The following TENT4B variants were observed in gnomAD, a reference collection of about 807,000 sequenced individuals.
The protein encoded by TENT4B is terminal nucleotidyltransferase 4B, also known as PAP associated domain containing 5.
TENT4B carries 10 observed loss-of-function variants against 75.0 expected under a neutral mutation model. That is an observed-to-expected ratio of 0.13 (90% CI 0.08 to 0.23). The LOEUF is 0.23. Ranked by LOEUF, TENT4B falls within the 10% of genes least tolerant of loss-of-function variation. TENT4B has a pLI of 1.00. For synonymous variants in TENT4B, 350 were observed against 357.7 expected, an observed-to-expected ratio of 0.98 and a Z score of 0.24; for missense variants, 579 against 893.8, an observed-to-expected ratio of 0.65 and a Z score of 4.49.
chr16:50,198,313 G>A (rs920673446), intron 1 of TENT4B, among the ~76,000 whole-genome samples: 2 of 151,442 alleles, frequency 1.3e-5, no homozygotes, highest in Admixed American at 6.6e-5. Context: ...CAGCTACTTT[G>A]GAGGCTGAGG....
intron 1 of TENT4B, among the ~76,000 whole-genome samples, chr16:50,166,699 C>G (rs1201229413): frequency 6.6e-6 from 1 of 152,028 alleles, no homozygotes; most frequent in African/African-American, 2.4e-5. Flanking sequence ...CCTCTGCCCC[C>G]ACCCCAGGCT....
intron 1 of TENT4B, among the ~76,000 whole-genome samples, chr16:50,155,272 GGTGTGTGTGTGT>G (rs60683678): frequency 2.4e-4 from 32 of 135,482 alleles, no homozygotes; most frequent in Admixed American, 9.1e-4. Context: ...GGGTCTCGTG[GGTGTGTGTGTGT>G]GTGTGTGTGT....
At chr16:50,171,770 G>C (rs1212497511) in intron 1 of TENT4B, among the ~76,000 whole-genome samples, 1 of 150,922 alleles carries the variant, frequency 6.6e-6, no homozygotes, top group Non-Finnish European at 1.5e-5. Flanking sequence ...TTTGAGACCA[G>C]CCTGGCCAAT....
chr16:50,161,431 TAGTATTTGGTAATTA>T (rs1246584147), intron 1 of TENT4B, among the ~76,000 whole-genome samples: 1 of 152,182 alleles, frequency 6.6e-6, no homozygotes, highest in African/African-American at 2.4e-5. Context: ...AGATTTCACA[TAGTATTTGGTAATTA>T]AATTAAGGAA....
intron 1 of TENT4B, among the ~76,000 whole-genome samples, chr16:50,196,537 A>G (rs959377863): frequency 1.3e-5 from 2 of 150,420 alleles, no homozygotes; most frequent in East Asian, 3.9e-4. Flanking sequence ...CTCCTTCATC[A>G]TGAAAGGAAG....
intron 1 of TENT4B, among the ~76,000 whole-genome samples, chr16:50,203,019 A>G (rs2030743456): frequency 6.6e-6 from 1 of 152,232 alleles, no homozygotes; most frequent in African/African-American, 2.4e-5. Context: ...AAAAGAAGAA[A>G]AAAATGAAAA....
At chr16:50,167,036 G>A (rs933044181) in intron 1 of TENT4B, among the ~76,000 whole-genome samples, 4 of 152,068 alleles carry the variant, frequency 2.6e-5, no homozygotes, top group African/African-American at 9.7e-5. Context: ...CAGTACTCAC[G>A]ACTCATCTTC....
intron 1 of TENT4B, among the ~76,000 whole-genome samples, chr16:50,211,069 A>G (rs1250074556): frequency 6.6e-6 from 1 of 152,178 alleles, no homozygotes; most frequent in Non-Finnish European, 1.5e-5. Flanking sequence ...GCCAGCCCGT[A>G]TGCTTGTTTT....
upstream of TENT4B, chr16:50,153,071 G>T (rs1268560221): frequency 1.1e-5 from 16 of 1,409,706 alleles, no homozygotes; most frequent in Admixed American, 3.7e-4. Flanking sequence ...AAGTACGGTT[G>T]GGCCAGGCGG....
intron 3 of TENT4B, among the ~76,000 whole-genome samples, chr16:50,214,960 C>A (rs557078602): frequency 3.6e-4 from 55 of 152,288 alleles, no homozygotes; most frequent in African/African-American, 1.3e-3. Context: ...CTTACACTCA[C>A]CCTCGCTTTC....
intron 1 of TENT4B, among the ~76,000 whole-genome samples, chr16:50,155,865 C>T (rs1436094910): frequency 6.6e-6 from 1 of 152,088 alleles, no homozygotes; most frequent in Non-Finnish European, 1.5e-5. Context: ...TCACTGTCAA[C>T]GAAAACCTTG....
intron 1 of TENT4B, among the ~76,000 whole-genome samples, chr16:50,197,060 T>C (rs767129761): frequency 1.9e-4 from 29 of 151,932 alleles, no homozygotes; most frequent in Non-Finnish European, 3.5e-4. Context: ...TGAGATGTGA[T>C]TGTGCCACTG....
At chr16:50,206,625 A>AG (rs2030985447) in intron 1 of TENT4B, among the ~76,000 whole-genome samples, 1 of 152,040 alleles carries the variant, frequency 6.6e-6, no homozygotes, top group African/African-American at 2.4e-5. Context: ...GATGAGCCGC[A>AG]GGGGACGGTG....
At chr16:50,171,897 GGAGGTTGCAGTGAGCTAACGCAGCA>G (rs1376914027) in intron 1 of TENT4B, among the ~76,000 whole-genome samples, 61 of 152,202 alleles carry the variant, frequency 4.0e-4, no homozygotes, top group East Asian at 1.4e-3. Context: ...CCCGGGAGGT[GGAGGTTGCAGTGAGCTAACGCAGCA>G]GAGGTTGCAG....
At position 50,216,063 on chromosome 16, in the gene TENT4B, T is replaced by C; in HGVS notation, c.810-12T>C. Reference sequence around the variant, plus strand: ...TTCTTCCGACCCTCTTGTATATGTATTCTGTGTTCAGTGACATCGACCTAG... The same window carrying C: ...TTCTTCCGACCCTCTTGTATATGTACTCTGTGTTCAGTGACATCGACCTAG... On this transcript the variant is annotated splice_polypyrimidine_tract_variant and intron_variant, in intron 3 of 11. Coordinates refer to ENST00000561678, the MANE Select transcript of TENT4B (RefSeq NM_001365324.3). 1 of 1,613,934 alleles carries C rather than the reference T, an allele frequency of 6.2e-7. No individual in the cohort carries two copies. The highest frequency in any genetic ancestry group is 8.5e-7 in the Non-Finnish European group (1 of 1,179,834).
rs1373462685 is a variant in TENT4B at position 50,230,686 on chromosome 16, G to A, written c.*1358G>A. On this transcript the variant is annotated 3_prime_UTR_variant, in exon 12 of 12. Transcript: ENST00000561678. ...TTAATTAAAACTTTTTTAAACATTG[G>A]CTTGTTTCAATCATACTGTAAATTT... 1.0e-6 allele frequency: 1 copy of A among 985,162 alleles called. No homozygotes were observed. The highest frequency in any genetic ancestry group is 1.2e-6 in the Non-Finnish European group (1 of 829,666). 61.0% of individuals were successfully genotyped at this position (985,162 alleles called of 1,614,324 possible). A position where few individuals can be genotyped will look rare whatever the true frequency, so the allele number is the denominator to read the frequency against.
rs869060811 is a variant in TENT4B, at chr16:50,182,891, C to CTTTTTTTTTTTTTTTTTTTTTTT, written c.639-28423_639-28401dup. Among the ~76,000 whole-genome samples, 25 of 36,466 alleles carry CTTTTTTTTTTTTTTTTTTTTTTT rather than the reference C, an allele frequency of 6.9e-4. 8 individuals carry two copies. The highest frequency in any genetic ancestry group is 4.7e-3 in the East Asian group (4 of 848). The allele number at this position is 36,466 out of a possible 152,430, so 23.9% of individuals were successfully genotyped here. A position where few individuals can be genotyped will look rare whatever the true frequency, so the allele number is the denominator to read the frequency against. On this transcript the variant is annotated intron_variant, in intron 1 of 11. Transcript: ENST00000561678. ...CCAAGTACAGCAAGTTTTATTTTAC[C>CTTTTTTTTTTTTTTTTTTTTTTT]TTTTTTTTTTTTTTTTTTTTTTTTT...
chr16:50,231,163 T>C lies in TENT4B; in HGVS notation c.*1835T>C, dbSNP rs1205670251. On this transcript the variant is annotated 3_prime_UTR_variant, in exon 12 of 12. Transcript: ENST00000561678. Reference sequence around the variant, plus strand: ...AAACTCATAGTACTCGTGTAAACTGTGGAAGATTTCAAATGTGATGTTATT... The same window carrying C: ...AAACTCATAGTACTCGTGTAAACTGCGGAAGATTTCAAATGTGATGTTATT... 2 of 985,442 alleles carry C rather than the reference T, an allele frequency of 2.0e-6. No homozygotes were observed. Among genetic ancestry groups the C allele is most frequent in the Middle Eastern group, 5.2e-4 (1 of 1,934 alleles). 61.0% of individuals were successfully genotyped at this position (985,442 alleles called of 1,614,324 possible). A position where few individuals can be genotyped will look rare whatever the true frequency, so the allele number is the denominator to read the frequency against.
chr16:50,215,313 T>G (rs1481828873), intron 3 of TENT4B, among the ~76,000 whole-genome samples: 1 of 152,200 alleles, frequency 6.6e-6, no homozygotes, highest in African/African-American at 2.4e-5. Flanking sequence ...CAACTTAAAG[T>G]GTGCTGAAGT....
Sources: gnomAD v4.1 joint callset for allele counts (sites outside exome capture counted in the v4.1 genomes callset) on GRCh38, gnomAD v4.1.1 for gene constraint, MANE v1.5 for transcripts, NCBI Gene and HGNC (gene_info 2026-07-23, HGNC 2026-07-21) for gene names.